The following FSD1 variants were observed in gnomAD, a reference collection of about 807,000 sequenced individuals.
The protein encoded by FSD1 is fibronectin type III and SPRY domain-containing protein 1.
In FSD1, 23 loss-of-function variants were observed where a neutral mutation model predicts 58.2. That is an observed-to-expected ratio of 0.40 (90% CI 0.28 to 0.56). The LOEUF (loss-of-function observed/expected upper bound fraction) is 0.56, where lower values mean the gene tolerates loss of function less well. Among genes scored for constraint, FSD1 ranks in the 20% least tolerant of loss-of-function variants. The probability of loss-of-function intolerance (pLI) is 0.54; values close to 1 mark genes in which losing one functional copy is unlikely to be tolerated. For synonymous variants in FSD1, 265 were observed against 263.4 expected (o/e 1.01, Z -0.06); for missense variants, 563 against 670.8 (o/e 0.84, Z 1.78).
At chr19:4,320,829 A>G (rs79991054) in intron 10 of FSD1, among the ~76,000 whole-genome samples, 11 of 115,610 alleles carry the variant, frequency 9.5e-5, no homozygotes, top group Admixed American at 1.8e-4. Context: ...TATCTGGGGG[A>G]AATAGCTGGG....
chr19:4,308,633 G>A (rs539876936), intron 4 of FSD1, among the ~76,000 whole-genome samples: 16 of 152,184 alleles, frequency 1.1e-4, no homozygotes, highest in Non-Finnish European at 1.8e-4. Context: ...CAAGGCGGGC[G>A]GATCACGAGG....
chr19:4,322,903 T>C, intron 10 of FSD1, 83 bp from the exon 11 acceptor site: 1 of 1,490,878 alleles, frequency 6.7e-7, no homozygotes, highest in Non-Finnish European at 9.0e-7. Context: ...AGGAGCACCT[T>C]GGGGGCTGGC....
Position 4,304,626 on chromosome 19 carries a change from C to G in FSD1, c.-121C>G, listed in dbSNP as rs1052490528. On this transcript the variant is annotated 5_prime_UTR_variant, in exon 1 of 13. Transcript: ENST00000221856. ...ATGCGCGCGGTGATGGAGCGCTAAC[C>G]GGGGGCGCGGCGGCGGCGAGGGCTC... 5.7e-6 allele frequency: 3 copies of G among 529,018 alleles called. No homozygotes were observed. The highest frequency in any genetic ancestry group is 4.5e-5 in the Admixed American group (1 of 22,158). 32.8% of individuals were successfully genotyped at this position (529,018 alleles called of 1,614,324 possible). A position where few individuals can be genotyped will look rare whatever the true frequency, so the allele number is the denominator to read the frequency against.
At chr19:4,305,821 C>T (rs181924559) in intron 1 of FSD1, 125 bp from the exon 2 acceptor site, 88 of 726,084 alleles carry the variant, frequency 1.2e-4, no homozygotes, top group African/African-American at 8.3e-4. Flanking sequence ...TGTGTGCGCA[C>T]GCGTGTGCAT....
Position 4,312,535 on chromosome 19 carries a change from A to G in FSD1, c.700+484A>G, listed in dbSNP as rs187523618. ...ATAATGAATATAGGCCGGGCGCGGT[A>G]GCTCACGCCTGTAATCCCAGCACTT... On this transcript the variant is annotated intron_variant, in intron 7 of 12. Transcript: ENST00000221856. 6.9e-3 allele frequency among the ~76,000 whole-genome samples: 1,003 copies of G among 145,114 alleles called. 46 individuals are homozygous for G. The highest frequency in any genetic ancestry group is 0.063 in the Admixed American group (919 of 14,588).
At position 4,323,046 on chromosome 19, in the gene FSD1, AGGC is replaced by A; in HGVS notation, c.1102_1104del (p.Ala368del). The A allele has an allele frequency of 6.2e-7, 1 of 1,612,202 alleles. No individual in the cohort carries two copies. The highest frequency in any genetic ancestry group is 8.5e-7 in the Non-Finnish European group (1 of 1,179,610). On this transcript the variant is annotated inframe_deletion, in exon 11 of 13. Coordinates refer to ENST00000221856, the MANE Select transcript of FSD1 (RefSeq NM_024333.3). The surrounding 1 kb of genome is among the most constrained non-coding windows in gnomAD (Gnocchi z 7.7). Reference sequence around the variant, plus strand: ...GAGGTGCGCTACGAGCCGGACAGCAAGGCGTTCGGCGTGGGCGTGGCCTACCGC... The same window carrying A: ...GAGGTGCGCTACGAGCCGGACAGCAAGTTCGGCGTGGGCGTGGCCTACCGC...
intron 2 of FSD1, 21 bp from the exon 3 acceptor site, chr19:4,306,177 A>AT (rs1353991979): frequency 1.2e-6 from 2 of 1,613,700 alleles, no homozygotes; most frequent in Non-Finnish European, 1.7e-6. Flanking sequence ...GCTTTGGCCG[A>AT]TTCTGGCTGT....
Position 4,323,600 on chromosome 19 carries a change from A to G in FSD1, c.1448A>G (p.Lys483Arg). The change falls in exon 13 of 13, where the codon AAG becomes AGG. Residue 483 changes from lysine (K) to arginine (R), a missense_variant. Transcript: ENST00000221856. The surrounding 1 kb of genome is among the most constrained non-coding windows in gnomAD (Gnocchi z 7.7). The part of the protein sequence containing the change: ...QVPSAVRCLQ[K>R]RGSATSSSNT... ...CCCAGTGCTGTGCGCTGCCTGCAAA[A>G]GCGAGGCAGTGCTACCAGCAGCTCC... 1 of 1,613,002 alleles carries G rather than the reference A, an allele frequency of 6.2e-7. No homozygotes were observed.
chr19:4,308,612 C>G (rs1971651529), intron 4 of FSD1, among the ~76,000 whole-genome samples: 3 of 152,014 alleles, frequency 2.0e-5, no homozygotes, highest in Admixed American at 2.0e-4. Context: ...AATCCCAGCA[C>G]TTTGGGAGGC....
At chr19:4,317,101 G>A in intron 7 of FSD1, 81 bp from the exon 8 acceptor site, 1 of 829,570 alleles carries the variant, frequency 1.2e-6, no homozygotes, top group South Asian at 1.4e-5. Flanking sequence ...GGGAATCACT[G>A]TGGGACATGA....
chr19:4,306,820 C>T (rs1971627917), intron 3 of FSD1, among the ~76,000 whole-genome samples: 1 of 152,094 alleles, frequency 6.6e-6, no homozygotes, highest in African/African-American at 2.4e-5. Flanking sequence ...ATCTTCCCCT[C>T]CTGTCTTCAC....
chr19:4,308,588 G>T (rs1030132297), intron 4 of FSD1, among the ~76,000 whole-genome samples: 10 of 151,686 alleles, frequency 6.6e-5, no homozygotes, highest in Admixed American at 1.3e-4. Flanking sequence ...CCAGGCACAG[G>T]GGCTCATGCC....
rs893064222 is a variant in FSD1 at position 4,323,073 on chromosome 19, G to A, written c.1127G>A (p.Arg376His). The stretch of plus-strand genomic sequence containing the variant: ...GCGTTCGGCGTGGGCGTGGCCTACC[G>A]CAGCCTGGGCCGCTTCGAGCAACTG... ...SKAFGVGVAY[R>H]SLGRFEQLGK... Residue 376 changes from arginine (R) to histidine (H), a missense_variant, in exon 11 of 13, where the codon CGC (arginine) becomes CAC (histidine). Coordinates refer to ENST00000221856, the MANE Select transcript of FSD1 (RefSeq NM_024333.3). This position sits in a 1 kb window ranked among gnomAD's most constrained non-coding sequence, Gnocchi z 7.7. 1.2e-6 allele frequency: 2 copies of A among 1,610,994 alleles called. No homozygotes were observed. Among genetic ancestry groups the A allele is most frequent in the Admixed American group, 1.7e-5 (1 of 59,968 alleles).
chr19:4,314,979 G>GGT (rs1274713178), intron 7 of FSD1, among the ~76,000 whole-genome samples: 3 of 152,324 alleles, frequency 2.0e-5, no homozygotes, highest in Non-Finnish European at 4.4e-5. Context: ...CCTCAGGGCA[G>GGT]AAAGTTGGAT....
intron 3 of FSD1, 64 bp downstream of exon 3, chr19:4,306,393 C>A: frequency 1.3e-6 from 2 of 1,568,122 alleles, no homozygotes; most frequent in Admixed American, 1.7e-5. Context: ...TAGCTGACCT[C>A]GGCACCTTCC....
intron 7 of FSD1, among the ~76,000 whole-genome samples, chr19:4,312,722 G>A (rs1034168401): frequency 3.0e-4 from 46 of 151,280 alleles, no homozygotes; most frequent in African/African-American, 8.0e-4. Context: ...GGAGAATGGC[G>A]TGAACTCGGG....
At chr19:4,305,127 C>G (rs1425412182) in intron 1 of FSD1, among the ~76,000 whole-genome samples, 1 of 145,162 alleles carries the variant, frequency 6.9e-6, no homozygotes, top group Non-Finnish European at 1.5e-5. Flanking sequence ...ACCCCACCGA[C>G]CCTGCCCCAG....
chr19:4,316,656 T>A (rs1461547276), intron 7 of FSD1, among the ~76,000 whole-genome samples: 1 of 151,922 alleles, frequency 6.6e-6, no homozygotes, highest in East Asian at 1.9e-4. Flanking sequence ...TCCTGATTGG[T>A]CTACGTGGGT....
rs199515407 is a variant in FSD1 at position 4,318,404 on chromosome 19, C to G, written c.858C>G (p.Leu286=). 6.1e-5 allele frequency: 98 copies of G among 1,613,810 alleles called. No individual in the cohort carries two copies. The highest frequency in any genetic ancestry group is 8.1e-5 in the Non-Finnish European group (96 of 1,180,012). ...TSHQNLRVDD[L]SVEWDAMGGK... ...ACCAGAACCTGCGGGTGGATGATCT[C>G]TCCGTGGAGTGGGACGCTATGGGCG... The change falls in exon 9 of 13, where the codon CTC becomes CTG. Residue 286 remains leucine (L), a synonymous_variant. Transcript: ENST00000221856.
Sources: allele counts gnomAD v4.1 joint callset (sites outside exome capture counted in the v4.1 genomes callset), GRCh38; gene constraint gnomAD v4.1.1; non-coding constraint Gnocchi (gnomAD v3.1); transcripts MANE v1.5; gene names NCBI Gene and HGNC (gene_info 2026-07-23, HGNC 2026-07-21).